ASPHD1: variants seen among roughly 807,000 people sequenced by gnomAD.
The protein encoded by ASPHD1 is aspartate beta-hydroxylase domain-containing protein 1.
A neutral mutation model predicts 28.3 loss-of-function variants in ASPHD1; 20 were observed. That is an observed-to-expected ratio of 0.71 (90% CI 0.50 to 1.03). The LOEUF (loss-of-function observed/expected upper bound fraction) is 1.03. ASPHD1 is among the 50% of genes least tolerant of loss of function. The pLI is 0.00. For missense variants in ASPHD1, 479 were observed against 524.1 expected (o/e 0.91, Z 0.84); for synonymous variants, 240 against 221.2 (o/e 1.08, Z -0.75).
intron 3 of ASPHD1, chr16:29,914,978 A>T (rs565475764): frequency 6.6e-6 from 1 of 152,000 alleles, no homozygotes; most frequent in African/African-American, 2.4e-5. Flanking sequence ...TCTGTCTCAA[A>T]AAAAAAAAAA....
At chr16:29,910,132 G>A (rs1219252440), downstream of ASPHD1, among the ~76,000 whole-genome samples, 1 of 151,320 alleles carries the variant, frequency 6.6e-6, no homozygotes, top group African/African-American at 2.4e-5. Context: ...GGGGGCAGTG[G>A]CTCACGCTTG....
downstream of ASPHD1, among the ~76,000 whole-genome samples, chr16:29,910,288 C>A (rs1479067222): frequency 6.6e-6 from 1 of 151,924 alleles, no homozygotes; most frequent in Admixed American, 6.6e-5. Flanking sequence ...GTCCTAGCTA[C>A]TGGGGAGGCT....
rs778174953 is a variant in ASPHD1 at position 29,901,330 on chromosome 16, T to A, written c.359T>A (p.Val120Glu). 2 of 1,607,076 alleles carry A rather than the reference T, an allele frequency of 1.2e-6. No individual in the cohort carries two copies. Among genetic ancestry groups the A allele is most frequent in the Middle Eastern group, 1.7e-4 (1 of 6,016 alleles). Residue 120 changes from valine to glutamate, a missense_variant, in exon 1 of 3, where the codon GTG (valine) becomes GAG (glutamate). Physicochemically the swap from Val to Glu is moderately radical, Grantham distance 121. Coordinates refer to ENST00000308748, the MANE Select transcript of ASPHD1 (RefSeq NM_181718.4). The surrounding 1 kb of genome is among the most constrained non-coding windows in gnomAD (Gnocchi z 5.1). ...SRAGGVRGGPVGCSEAGGPSP... is the reference protein window; with the variant it reads ...SRAGGVRGGPEGCSEAGGPSP... Reference sequence around the variant, plus strand: ...GCTGGGGGTGTTCGTGGTGGGCCTGTGGGATGCTCGGAGGCCGGCGGGCCA... The same window carrying A: ...GCTGGGGGTGTTCGTGGTGGGCCTGAGGGATGCTCGGAGGCCGGCGGGCCA...
rs755473140 is a variant in ASPHD1 at position 29,905,882 on chromosome 16, C to T, written c.1158C>T (p.Phe386=). Residue 386 remains phenylalanine, a synonymous_variant, in exon 3 of 3, where the codon TTC becomes TTT. Transcript: ENST00000308748. ...AGCGCCAGGCCCTCGACTTTGTCTT[C>T]GCCCCAGACCCTTGAAGGAAGGTGC... is the stretch of plus-strand genomic sequence containing the variant. ...GAERQALDFV[F]APDP is the part of the protein sequence containing the mutation. 18 of 1,612,766 alleles carry T rather than the reference C, an allele frequency of 1.1e-5. No homozygotes were observed. The highest frequency in any genetic ancestry group is 4.5e-5 in the East Asian group (2 of 44,840).
downstream of ASPHD1, among the ~76,000 whole-genome samples, chr16:29,909,215 T>C (rs533664211): frequency 1.3e-5 from 2 of 152,106 alleles, no homozygotes; most frequent in Non-Finnish European, 2.9e-5. Context: ...GATAAAACAC[T>C]GTCTTTAGCT....
chr16:29,919,043 C>T (rs1228422987), intron 3 of ASPHD1, among the ~76,000 whole-genome samples: 1 of 152,220 alleles, frequency 6.6e-6, no homozygotes, highest in Non-Finnish European at 1.5e-5. Context: ...ATCCACCTGC[C>T]TTGGCCTCCC....
At position 29,905,808 on chromosome 16, in the gene ASPHD1, C is replaced by G; in HGVS notation, c.1084C>G (p.Arg362Gly). The G allele has an allele frequency of 1.2e-6, 2 of 1,613,840 alleles. No individual in the cohort carries two copies. Among genetic ancestry groups the G allele is most frequent in the Non-Finnish European group, 1.7e-6 (2 of 1,179,892 alleles). ...AHNGSPEDGP[R>G]VVFIVDLWHP... ...CCTAGGCTCCCCCGAAGATGGGCCT[C>G]GAGTGGTCTTCATCGTGGACCTCTG... The change falls in exon 3 of 3, where the codon CGA becomes GGA. Residue 362 changes from arginine to glycine, a missense_variant. Physicochemically the swap from Arg to Gly is moderately radical, Grantham distance 125. Transcript: ENST00000308748.
downstream of ASPHD1, among the ~76,000 whole-genome samples, chr16:29,908,704 GTTGT>G (rs1338432216): frequency 2.3e-5 from 3 of 130,334 alleles, no homozygotes; most frequent in African/African-American, 6.0e-5. Flanking sequence ...TTTTTTAATC[GTTGT>G]TTGTTTGTTT....
downstream of ASPHD1, among the ~76,000 whole-genome samples, chr16:29,910,427 A>T (rs929844651): frequency 6.6e-6 from 1 of 151,836 alleles, no homozygotes; most frequent in Non-Finnish European, 1.5e-5. Context: ...ATAAATAAAT[A>T]AATTACTGGG....
At chr16:29,905,118 A>G (rs1250346579) in intron 2 of ASPHD1, 153 bp downstream of exon 2, 3 of 578,186 alleles carry the variant, frequency 5.2e-6, no homozygotes, top group East Asian at 6.2e-5. Context: ...AACTTCTCCA[A>G]TGCCCTAGGA....
In ASPHD1 at chr16:29,902,883, C is replaced by CTTTTTTTTTTTTTTTTTTTTTTTT. The variant is rs370689330; in HGVS notation, c.949+968_949+969insTTTTTTTTTTTTTTTTTTTTTTTT. ...CAGTAGCACCAAACTGAGATTTTTT[C>CTTTTTTTTTTTTTTTTTTTTTTTT]TTTTTCTTTTTTTTTTTTTTTTGAG... On this transcript the variant is annotated intron_variant, in intron 1 of 2. Transcript: ENST00000308748. Among the ~76,000 whole-genome samples, 5 of 107,552 alleles carry CTTTTTTTTTTTTTTTTTTTTTTTT rather than the reference C, an allele frequency of 4.6e-5. 2 individuals are homozygous for CTTTTTTTTTTTTTTTTTTTTTTTT. The highest frequency in any genetic ancestry group is 5.4e-5 in the Non-Finnish European group (3 of 55,072). The allele number at this position is 107,552 out of a possible 152,430, so 70.6% of individuals were successfully genotyped here.
At chr16:29,913,140 T>C (rs2068746579) in intron 3 of ASPHD1, 1 of 151,724 alleles carries the variant, frequency 6.6e-6, no homozygotes, top group South Asian at 2.1e-4. Context: ...TTTTTTTTTT[T>C]TTTGAGACAG....
chr16:29,904,423 C>T (rs535760471), intron 1 of ASPHD1, among the ~76,000 whole-genome samples: 4 of 150,736 alleles, frequency 2.7e-5, no homozygotes, highest in South Asian at 4.2e-4. Context: ...TCCAACCTGG[C>T]GACAGAGCAA....
intron 1 of ASPHD1, among the ~76,000 whole-genome samples, chr16:29,904,346 T>C (rs1228009190): frequency 6.6e-6 from 1 of 151,466 alleles, no homozygotes; most frequent in Admixed American, 6.6e-5. Context: ...CTCGGGAGGC[T>C]GAGGCAGGAG....
chr16:29,909,463 G>A (rs1482241865), downstream of ASPHD1, among the ~76,000 whole-genome samples: 1 of 152,174 alleles, frequency 6.6e-6, no homozygotes, highest in Admixed American at 6.5e-5. Context: ...CTCATAGTAA[G>A]CTCGGAAGGG....
At chr16:29,916,141 A>C (rs2068805370) in intron 3 of ASPHD1, among the ~76,000 whole-genome samples, 2 of 152,192 alleles carry the variant, frequency 1.3e-5, no homozygotes, top group Non-Finnish European at 1.5e-5. Context: ...CTGCCGCTAC[A>C]CAAGGATCTC....
At chr16:29,919,723 G>A (rs1253738593), downstream of ASPHD1, 1 of 151,792 alleles carries the variant, frequency 6.6e-6, no homozygotes, top group Non-Finnish European at 1.5e-5. Flanking sequence ...CATACAACAC[G>A]ATTGTATTTT....
chr16:29,903,475 G>A (rs770034119), intron 1 of ASPHD1, among the ~76,000 whole-genome samples: 20 of 152,016 alleles, frequency 1.3e-4, no homozygotes, highest in Non-Finnish European at 2.5e-4. Flanking sequence ...ACCGCACCTG[G>A]CACTTTTTGA....
chr16:29,907,257 A>G (rs1387676897), downstream of ASPHD1: 4 of 593,366 alleles, frequency 6.7e-6, no homozygotes, highest in Non-Finnish European at 1.2e-5. Context: ...TCCTTTACTC[A>G]GCAAAGTCAT....
Sources: gnomAD v4.1 joint callset for allele counts (sites outside exome capture counted in the v4.1 genomes callset) on GRCh38, gnomAD v4.1.1 for gene constraint, Gnocchi (gnomAD v3.1) non-coding constraint, MANE v1.5 for transcripts, NCBI Gene and HGNC (gene_info 2026-07-23, HGNC 2026-07-21) for gene names.